Variants in CCDC148 observed in about 807,000 individuals in gnomAD.
The protein encoded by CCDC148 is coiled-coil domain-containing protein 148.
Under a neutral mutation model 85.7 loss-of-function variants are expected in CCDC148, and 89 were observed. That is an observed-to-expected ratio of 1.04 (90% CI 0.87 to 1.24). The LOEUF is 1.24. Among genes scored for constraint, CCDC148 ranks in the 50% most tolerant of loss-of-function variants. The pLI, the probability that CCDC148 is intolerant of heterozygous loss-of-function variation, is 0.00. For missense variants in CCDC148, 692 were observed against 671.7 expected, an observed-to-expected ratio of 1.03 and a Z score of -0.33; for synonymous variants, 230 against 213.9, an observed-to-expected ratio of 1.08 and a Z score of -0.66.
At chr2:158,288,418 C>T (rs1188353512) in intron 9 of CCDC148, among the ~76,000 whole-genome samples, 1 of 152,168 alleles carries the variant, frequency 6.6e-6, no homozygotes. Context: ...TTTAACAGAA[C>T]CCAGGTCACC....
chr2:158,444,094 G>A (rs1025025983), intron 1 of CCDC148, among the ~76,000 whole-genome samples: 2 of 152,128 alleles, frequency 1.3e-5, no homozygotes, highest in South Asian at 2.1e-4. Context: ...ATGAGGAGGA[G>A]AATTCTTGGC....
chr2:158,314,200 A>G (rs1692175735), intron 7 of CCDC148, among the ~76,000 whole-genome samples: 1 of 152,252 alleles, frequency 6.6e-6, no homozygotes, highest in Admixed American at 6.5e-5. Context: ...ATCATGACCA[A>G]TGAATGAAAT....
At position 158,313,748 on chromosome 2, in the gene CCDC148, G is replaced by T. The variant is rs1692150246; in HGVS notation, c.903+8C>A. Reference sequence around the variant, plus strand: ...ACTTGCCAGTATGTAGGTAGGTCCAGTACTCACCAAATCATGCCTAGATTT... The same window carrying T: ...ACTTGCCAGTATGTAGGTAGGTCCATTACTCACCAAATCATGCCTAGATTT... On this transcript the variant is annotated splice_region_variant and intron_variant, in intron 8 of 13. Coordinates refer to ENST00000283233, the MANE Select transcript of CCDC148 (RefSeq NM_138803.4). The T allele has an allele frequency of 6.2e-7, 1 of 1,612,980 alleles. No individual in the cohort carries two copies. The highest frequency in any genetic ancestry group is 8.5e-7 in the Non-Finnish European group (1 of 1,179,510).
At chr2:158,411,051 TAAG>T (rs1652428768) in intron 1 of CCDC148, among the ~76,000 whole-genome samples, 2 of 152,320 alleles carry the variant, frequency 1.3e-5, no homozygotes, top group South Asian at 2.1e-4. Context: ...AGGTTTCTTC[TAAG>T]AAGTCTACTG....
chr2:158,420,612 A>C (rs1408194309), intron 1 of CCDC148, among the ~76,000 whole-genome samples: 2 of 152,200 alleles, frequency 1.3e-5, no homozygotes, highest in African/African-American at 4.8e-5. Context: ...AAGAACAACC[A>C]GTACCAGCCA....
intron 10 of CCDC148, among the ~76,000 whole-genome samples, chr2:158,246,327 C>A (rs900091250): frequency 6.6e-6 from 1 of 152,146 alleles, no homozygotes; most frequent in Non-Finnish European, 1.5e-5. Flanking sequence ...GTATCTCCAA[C>A]AGTAAAATAG....
chr2:158,217,162 T>A (rs985350965), intron 11 of CCDC148, among the ~76,000 whole-genome samples: 2 of 151,940 alleles, frequency 1.3e-5, no homozygotes, highest in Admixed American at 1.3e-4. Flanking sequence ...CATATTCTAA[T>A]AGATTGAGAA....
At chr2:158,423,491 G>T (rs557738073) in intron 1 of CCDC148, among the ~76,000 whole-genome samples, 12 of 152,316 alleles carry the variant, frequency 7.9e-5, no homozygotes, top group Admixed American at 7.8e-4. Flanking sequence ...AATAAATGGT[G>T]CTGGGAAAAC....
chr2:158,346,021 C>T (rs1329988212), intron 2 of CCDC148, among the ~76,000 whole-genome samples: 1 of 152,178 alleles, frequency 6.6e-6, no homozygotes, highest in African/African-American at 2.4e-5. Flanking sequence ...GCATTGAAAT[C>T]TAAATTTTCA....
chr2:158,203,949 CA>C (rs1040966055), intron 11 of CCDC148, among the ~76,000 whole-genome samples: 29 of 152,220 alleles, frequency 1.9e-4, no homozygotes, highest in African/African-American at 6.0e-4. Flanking sequence ...AATAAAAAGG[CA>C]AACATAAATA....
At chr2:158,227,542 C>T (rs1687613195) in intron 10 of CCDC148, among the ~76,000 whole-genome samples, 1 of 152,120 alleles carries the variant, frequency 6.6e-6, no homozygotes, top group Non-Finnish European at 1.5e-5. Context: ...CATCACGCTA[C>T]CTGACTTCAA....
rs192630042 is a variant in CCDC148, at chr2:158,267,662, A to G, written c.1111-16750T>C. On this transcript the variant is annotated intron_variant, in intron 9 of 13. Transcript: ENST00000283233. ...ATTAGAGATTGTCATTGATCTCTAA[A>G]AGAATTTAACTCTGCTTTCATATAA... is the stretch of plus-strand genomic sequence containing the variant. Among the ~76,000 whole-genome samples the G allele has an allele frequency of 2.6e-4, 39 of 152,318 alleles. No homozygotes were observed. In the East Asian group the frequency reaches 7.3e-3, roughly 29 times the overall value.
At chr2:158,407,725 G>A (rs1333496784) in intron 1 of CCDC148, among the ~76,000 whole-genome samples, 2 of 152,068 alleles carry the variant, frequency 1.3e-5, no homozygotes, top group Non-Finnish European at 2.9e-5. Flanking sequence ...CTGGTCCATG[G>A]CTGGAATTCA....
intron 1 of CCDC148, among the ~76,000 whole-genome samples, chr2:158,399,564 C>G (rs1227327595): frequency 6.6e-6 from 1 of 152,078 alleles, no homozygotes; most frequent in East Asian, 1.9e-4. Flanking sequence ...AGGCATTCGA[C>G]AAAATTCAAC....
intron 11 of CCDC148, among the ~76,000 whole-genome samples, chr2:158,189,575 T>C (rs902554388): frequency 6.6e-6 from 1 of 151,914 alleles, no homozygotes; most frequent in African/African-American, 2.4e-5. Context: ...TTTCAGAATA[T>C]TTATGATAAT....
At chr2:158,334,340 T>C (rs1693311323) in intron 7 of CCDC148, among the ~76,000 whole-genome samples, 1 of 152,142 alleles carries the variant, frequency 6.6e-6, no homozygotes, top group Non-Finnish European at 1.5e-5. Context: ...GTCTCACTTA[T>C]TTGATAGATC....
intron 9 of CCDC148, among the ~76,000 whole-genome samples, chr2:158,278,006 C>A (rs1574527892): frequency 6.6e-6 from 1 of 152,218 alleles, no homozygotes; most frequent in South Asian, 2.1e-4. Flanking sequence ...GTTCTAGCCA[C>A]TACACTGTGT....
At chr2:158,303,017 A>T (rs1342440346) in intron 9 of CCDC148, among the ~76,000 whole-genome samples, 1 of 152,050 alleles carries the variant, frequency 6.6e-6, no homozygotes, top group East Asian at 1.9e-4. Context: ...TTGCTACAGC[A>T]ACTGTTATGA....
intron 11 of CCDC148, among the ~76,000 whole-genome samples, chr2:158,203,286 G>C (rs987077125): frequency 1.3e-5 from 2 of 152,044 alleles, no homozygotes; most frequent in Admixed American, 1.3e-4. Context: ...ATATGAATTC[G>C]TCTTATTTAA....
Sources: gnomAD v4.1 joint callset for allele counts (sites outside exome capture counted in the v4.1 genomes callset) on GRCh38, gnomAD v4.1.1 for gene constraint, MANE v1.5 for transcripts, NCBI Gene and HGNC (gene_info 2026-07-23, HGNC 2026-07-21) for gene names.